Variants in SUFU observed in about 807,000 individuals in gnomAD.
The protein encoded by SUFU is suppressor of fused homolog.
SUFU carries 7 observed loss-of-function variants against 58.9 expected under a neutral mutation model. That is an observed-to-expected ratio of 0.12 (90% CI 0.07 to 0.22). The LOEUF (loss-of-function observed/expected upper bound fraction) is 0.22. SUFU is among the 10% of genes least tolerant of loss of function. SUFU has a pLI of 1.00. For missense variants in SUFU, 451 were observed against 641.3 expected (o/e 0.70, Z 3.20); for synonymous variants, 232 against 254.8 (o/e 0.91, Z 0.85).
chr10:102,622,336 T>C (rs2063746348), intron 10 of SUFU, among the ~76,000 whole-genome samples: 2 of 152,198 alleles, frequency 1.3e-5, no homozygotes, highest in African/African-American at 4.8e-5. Flanking sequence ...CCAGGTGCGG[T>C]GGCTCACGCC....
At chr10:102,545,670 A>G (rs575020676) in intron 2 of SUFU, among the ~76,000 whole-genome samples, 84 of 152,126 alleles carry the variant, frequency 5.5e-4, no homozygotes, top group Non-Finnish European at 1.1e-3. Flanking sequence ...TTTGATTTGC[A>G]TTTCCTTAGT....
chr10:102,575,131 T>A (rs2063200851), intron 3 of SUFU, among the ~76,000 whole-genome samples: 1 of 151,952 alleles, frequency 6.6e-6, no homozygotes, highest in Non-Finnish European at 1.5e-5. Flanking sequence ...GAAGGATTGC[T>A]TGAGCCTAGG....
At chr10:102,571,343 A>G (rs2063158398) in intron 3 of SUFU, among the ~76,000 whole-genome samples, 1 of 152,158 alleles carries the variant, frequency 6.6e-6, no homozygotes, top group Non-Finnish European at 1.5e-5. Context: ...GGATGAGGCC[A>G]ACCAAAATTC....
intron 7 of SUFU, among the ~76,000 whole-genome samples, chr10:102,598,074 C>G (rs1269806837): frequency 6.6e-6 from 1 of 152,170 alleles, no homozygotes; most frequent in Non-Finnish European, 1.5e-5. Flanking sequence ...AAAATCCTTA[C>G]ATATATGATA....
chr10:102,612,207 GTGCACGCGCA>G (rs1348277745), intron 8 of SUFU, among the ~76,000 whole-genome samples: 2 of 116,858 alleles, frequency 1.7e-5, no homozygotes, highest in African/African-American at 3.2e-5. Context: ...GTGTGTGTGT[GTGCACGCGCA>G]TGTGTGTGTG....
chr10:102,505,612 A>G (rs1326646206), intron 1 of SUFU, among the ~76,000 whole-genome samples: 1 of 152,220 alleles, frequency 6.6e-6, no homozygotes, highest in Non-Finnish European at 1.5e-5. Flanking sequence ...GGCTGAGGCC[A>G]GCTGCCCGCA....
In SUFU at chr10:102,586,276, A is replaced by G. The variant is rs570159242; in HGVS notation, c.455-6306A>G. On this transcript the variant is annotated intron_variant, in intron 3 of 11. Transcript: ENST00000369902. ...TTATCTTTTATTATTGAGTTGTAAGAACTCTTTATATATTCTGGATACAAA... is the reference window on the plus strand; with the variant it reads ...TTATCTTTTATTATTGAGTTGTAAGGACTCTTTATATATTCTGGATACAAA... 2.0e-5 allele frequency among the ~76,000 whole-genome samples: 3 copies of G among 152,304 alleles called. No individual in the cohort carries two copies. The East Asian group carries it at 5.8e-4, about 29-fold the overall frequency.
chr10:102,590,423 C>A (rs553158866), intron 3 of SUFU, among the ~76,000 whole-genome samples: 1 of 152,206 alleles, frequency 6.6e-6, no homozygotes, highest in East Asian at 1.9e-4. Context: ...CCTCGGCCTC[C>A]CAAAGTGCTG....
chr10:102,518,484 A>T (rs1414226104), intron 2 of SUFU, among the ~76,000 whole-genome samples: 1 of 151,794 alleles, frequency 6.6e-6, no homozygotes, highest in East Asian at 1.9e-4. Context: ...GTTGAGCTGG[A>T]TGTAGAAGCT....
chr10:102,535,592 T>C (rs1207236149), intron 2 of SUFU, among the ~76,000 whole-genome samples: 2 of 152,120 alleles, frequency 1.3e-5, no homozygotes, highest in African/African-American at 2.4e-5. Context: ...TGGGCTGGCC[T>C]CCTATGCCAT....
intron 1 of SUFU, among the ~76,000 whole-genome samples, chr10:102,504,979 C>G (rs2062306691): frequency 6.6e-6 from 1 of 152,132 alleles, no homozygotes; most frequent in African/African-American, 2.4e-5. Context: ...AAACTTTTTG[C>G]TTACTCTGCA....
chr10:102,595,926 C>T (rs1227639781), intron 6 of SUFU, among the ~76,000 whole-genome samples: 2 of 152,154 alleles, frequency 1.3e-5, no homozygotes, highest in Admixed American at 6.6e-5. Context: ...AATTGTCTGT[C>T]TGCAACTCTT....
At chr10:102,598,210 T>C (rs936295439) in intron 7 of SUFU, among the ~76,000 whole-genome samples, 1 of 152,012 alleles carries the variant, frequency 6.6e-6, no homozygotes, top group Non-Finnish European at 1.5e-5. Flanking sequence ...TGGAGTACAG[T>C]GGGTTGATCT....
Position 102,610,913 on chromosome 10 carries a change from A to G in SUFU, c.1023-4355A>G, listed in dbSNP as rs1014302655. 1.3e-4 allele frequency among the ~76,000 whole-genome samples: 20 copies of G among 152,196 alleles called. No homozygotes were observed. In the East Asian group the frequency reaches 2.1e-3, roughly 16 times the overall value. On this transcript the variant is annotated intron_variant, in intron 8 of 11. Transcript: ENST00000369902. ...AAAGCCCGAGGGAGATTTCGTTGAC[A>G]GAGGGAGTGCAGTGTGAGTTGGTAG...
At chr10:102,577,682 G>GTT (rs113583636) in intron 3 of SUFU, among the ~76,000 whole-genome samples, 10 of 132,124 alleles carry the variant, frequency 7.6e-5, no homozygotes, top group Admixed American at 1.5e-4. Context: ...ACTACGAGTT[G>GTT]TTTTTTTTTT....
chr10:102,564,156 T>G (rs1016737130), intron 3 of SUFU, among the ~76,000 whole-genome samples: 2 of 152,190 alleles, frequency 1.3e-5, no homozygotes, highest in Non-Finnish European at 2.9e-5. Context: ...GAAGGTTGAG[T>G]GAGGAGTTCA....
At chr10:102,537,606 C>T (rs7082296) in intron 2 of SUFU, among the ~76,000 whole-genome samples, 6,607 of 152,234 alleles carry the variant, frequency 0.043, 459 homozygotes, top group African/African-American at 0.15. Flanking sequence ...ATTTCTGTCT[C>T]TATGAATGTG....
intron 2 of SUFU, among the ~76,000 whole-genome samples, chr10:102,514,427 C>T (rs2062440300): frequency 6.6e-6 from 1 of 152,180 alleles, no homozygotes; most frequent in Admixed American, 6.5e-5. Context: ...TTTCCTTATT[C>T]ACATTCACTA....
intron 2 of SUFU, among the ~76,000 whole-genome samples, chr10:102,512,068 C>G (rs765494476): frequency 7.2e-5 from 11 of 152,302 alleles, no homozygotes; most frequent in Non-Finnish European, 1.3e-4. Flanking sequence ...ACAGGCCTAA[C>G]CCAACTTCCT....
Sources: allele counts gnomAD v4.1 joint callset (sites outside exome capture counted in the v4.1 genomes callset), GRCh38; gene constraint gnomAD v4.1.1; transcripts MANE v1.5; gene names NCBI Gene and HGNC (gene_info 2026-07-23, HGNC 2026-07-21).